NKAIN2: variants seen among roughly 807,000 people sequenced by gnomAD.
NKAIN2 encodes the protein sodium/potassium transporting ATPase interacting 2.
Under a neutral mutation model 32.6 loss-of-function variants are expected in NKAIN2, and 14 were observed. That is an observed-to-expected ratio of 0.43 (90% confidence interval 0.28 to 0.67). The LOEUF (loss-of-function observed/expected upper bound fraction) is 0.67. Ranked by LOEUF, NKAIN2 falls within the 30% of genes least tolerant of loss-of-function variation. The pLI is 0.17. For synonymous variants in NKAIN2, 80 were observed against 87.2 expected (o/e 0.92, Z 0.46); for missense variants, 198 against 258.3 (o/e 0.77, Z 1.60).
chr6:123,808,993 T>G (rs993665007), intron 1 of NKAIN2, among the ~76,000 whole-genome samples: 1 of 152,234 alleles, frequency 6.6e-6, no homozygotes, highest in African/African-American at 2.4e-5. Flanking sequence ...CAAAAGTTAA[T>G]GGCACCAATT....
intron 4 of NKAIN2, among the ~76,000 whole-genome samples, chr6:124,683,585 G>GCACAT (rs1431897091): frequency 6.6e-6 from 1 of 152,136 alleles, no homozygotes; most frequent in African/African-American, 2.4e-5. Context: ...AGGCTGAGCA[G>GCACAT]CACATTACAT....
intron 1 of NKAIN2, chr6:124,121,979 A>G (rs1010176394): frequency 1.1e-5 from 8 of 705,790 alleles, no homozygotes; most frequent in African/African-American, 1.1e-4. Context: ...ATTTGTGTCT[A>G]CAGGGTAATA....
intron 1 of NKAIN2, among the ~76,000 whole-genome samples, chr6:124,144,490 T>A (rs1297590755): frequency 6.6e-6 from 1 of 152,138 alleles, no homozygotes; most frequent in Non-Finnish European, 1.5e-5. Flanking sequence ...ATAAATATTC[T>A]CTACTAGTTT....
intron 1 of NKAIN2, among the ~76,000 whole-genome samples, chr6:123,881,811 A>G (rs540711820): frequency 1.3e-5 from 2 of 152,332 alleles, no homozygotes; most frequent in East Asian, 3.9e-4. Flanking sequence ...GCTATGAAAC[A>G]AACTCATAAA....
intron 3 of NKAIN2, among the ~76,000 whole-genome samples, chr6:124,429,790 T>G (rs929644521): frequency 5.3e-5 from 8 of 152,192 alleles, no homozygotes; most frequent in Non-Finnish European, 8.8e-5. Flanking sequence ...TAGCAGCTAC[T>G]GCTCCCCTTG....
At chr6:124,119,438 A>G (rs1324797237) in intron 1 of NKAIN2, among the ~76,000 whole-genome samples, 2 of 152,206 alleles carry the variant, frequency 1.3e-5, no homozygotes, top group Non-Finnish European at 2.9e-5. Context: ...GAAGTTGGGC[A>G]TAATAATTTA....
At chr6:124,716,957 G>C (rs1004014131) in intron 4 of NKAIN2, among the ~76,000 whole-genome samples, 2 of 152,168 alleles carry the variant, frequency 1.3e-5, no homozygotes, top group Non-Finnish European at 2.9e-5. Flanking sequence ...ACAATGTCTA[G>C]CATAAATACT....
intron 4 of NKAIN2, among the ~76,000 whole-genome samples, chr6:124,699,716 G>T (rs1235325441): frequency 1.3e-5 from 2 of 152,170 alleles, no homozygotes; most frequent in Non-Finnish European, 2.9e-5. Flanking sequence ...CCCAGAAGCA[G>T]AGAAGATGCC....
chr6:124,212,412 A>G lies in NKAIN2; in HGVS notation c.55-70593A>G, dbSNP rs567515224. ...GACAATGCTTAGAATAATTTGGGCA[A>G]TCTTGAAACAGATCTTAATAATATT... On this transcript the variant is annotated intron_variant, in intron 1 of 6. Coordinates refer to ENST00000368417, the MANE Select transcript of NKAIN2 (RefSeq NM_001040214.3). Among the ~76,000 whole-genome samples the G allele has an allele frequency of 1.1e-3, 171 of 152,242 alleles. 1 individual carries two copies. The highest frequency in any genetic ancestry group is 3.7e-3 in the African/African-American group (154 of 41,574).
At chr6:124,351,132 T>C (rs1244101265) in intron 2 of NKAIN2, among the ~76,000 whole-genome samples, 1 of 152,234 alleles carries the variant, frequency 6.6e-6, no homozygotes, top group Admixed American at 6.5e-5. Flanking sequence ...TTTCATGAAA[T>C]AGCATTCGTC....
At chr6:123,872,166 G>C (rs1213321986) in intron 1 of NKAIN2, among the ~76,000 whole-genome samples, 1 of 151,972 alleles carries the variant, frequency 6.6e-6, no homozygotes, top group Non-Finnish European at 1.5e-5. Flanking sequence ...GAATTATTTG[G>C]AAGTAGAACC....
At chr6:124,080,110 G>T (rs1783889168) in intron 1 of NKAIN2, among the ~76,000 whole-genome samples, 1 of 152,096 alleles carries the variant, frequency 6.6e-6, no homozygotes, top group South Asian at 2.1e-4. Context: ...GGGACAACAG[G>T]TCTCGCTCAG....
intron 3 of NKAIN2, among the ~76,000 whole-genome samples, chr6:124,381,354 G>A (rs1772626544): frequency 6.6e-6 from 1 of 152,096 alleles, no homozygotes. Context: ...TATCACAGAA[G>A]TAAATCAAAA....
At chr6:124,719,210 A>G (rs9491222) in intron 4 of NKAIN2, among the ~76,000 whole-genome samples, 71,449 of 152,000 alleles carry the variant, frequency 0.47, 17,104 homozygotes, top group African/African-American at 0.53. Context: ...CTATGTAACC[A>G]TTCTATCCCA....
At position 123,804,121 on chromosome 6, in the gene NKAIN2, C is replaced by G; in HGVS notation, c.-80C>G. 2 of 1,352,958 alleles carry G rather than the reference C, an allele frequency of 1.5e-6. No individual in the cohort carries two copies. The highest frequency in any genetic ancestry group is 1.1e-6 in the Non-Finnish European group (1 of 942,528). The allele number at this position is 1,352,958 out of a possible 1,614,324, so 83.8% of individuals were successfully genotyped here. On this transcript the variant is annotated 5_prime_UTR_variant, in exon 1 of 7. Coordinates refer to ENST00000368417, the MANE Select transcript of NKAIN2 (RefSeq NM_001040214.3). The stretch of plus-strand genomic sequence containing the variant: ...CCTCGGCAGGTTTGCGTGTCCTTCC[C>G]CGCGATCTGATTGGATAAAGTGGGG...
Position 124,584,656 on chromosome 6 carries a change from A to G in NKAIN2, c.274-73530A>G, listed in dbSNP as rs1028331754. Among the ~76,000 whole-genome samples, 16 of 71,258 alleles carry G rather than the reference A, an allele frequency of 2.2e-4. No individual in the cohort carries two copies. In the South Asian group the frequency reaches 2.6e-3, roughly 12 times the overall value. The allele number at this position is 71,258 out of a possible 152,430, so 46.7% of individuals were successfully genotyped here. A position where few individuals can be genotyped will look rare whatever the true frequency, so the allele number is the denominator to read the frequency against. On this transcript the variant is annotated intron_variant, in intron 3 of 6. Transcript: ENST00000368417. Reference sequence around the variant, plus strand: ...CAACAAGAGCGAAACTCCATCTCAGAAAAAAAAAAAAAAAAAAGACATACA... The same window carrying G: ...CAACAAGAGCGAAACTCCATCTCAGGAAAAAAAAAAAAAAAAAGACATACA...
intron 1 of NKAIN2, among the ~76,000 whole-genome samples, chr6:123,835,768 G>A (rs1050928017): frequency 3.9e-5 from 6 of 152,214 alleles, no homozygotes; most frequent in African/African-American, 7.2e-5. Context: ...GCTTTATCGC[G>A]TGAAATGTTA....
intron 1 of NKAIN2, among the ~76,000 whole-genome samples, chr6:123,879,628 G>A (rs1429724318): frequency 1.3e-5 from 2 of 152,122 alleles, no homozygotes; most frequent in Admixed American, 6.5e-5. Flanking sequence ...CAGTGTTCTA[G>A]CTAATAGGAA....
intron 4 of NKAIN2, among the ~76,000 whole-genome samples, chr6:124,714,778 C>T (rs1377089436): frequency 6.6e-6 from 1 of 152,186 alleles, no homozygotes; most frequent in Non-Finnish European, 1.5e-5. Flanking sequence ...GGGTTTCAAG[C>T]ATCTGACAGG....
Sources: gnomAD v4.1 joint callset for allele counts (sites outside exome capture counted in the v4.1 genomes callset) on GRCh38, gnomAD v4.1.1 for gene constraint, MANE v1.5 for transcripts, NCBI Gene and HGNC (gene_info 2026-07-23, HGNC 2026-07-21) for gene names.